MXRA7: variants seen among roughly 807,000 people sequenced by gnomAD.
MXRA7 encodes the protein matrix-remodeling-associated protein 7.
MXRA7 carries 18 observed loss-of-function variants against 17.4 expected under a neutral mutation model. That is an observed-to-expected ratio of 1.03 (90% CI 0.71 to 1.53). The LOEUF (loss-of-function observed/expected upper bound fraction) is 1.53, where lower values mean the gene tolerates loss of function less well. Among genes scored for constraint, MXRA7 ranks in the 40% most tolerant of loss-of-function variants. The pLI, the probability that MXRA7 is intolerant of heterozygous loss-of-function variation, is 0.00. For missense variants in MXRA7, 141 were observed against 209.3 expected (o/e 0.67, Z 2.01); for synonymous variants, 70 against 101.7 (o/e 0.69, Z 1.87).
intron 1 of MXRA7, among the ~76,000 whole-genome samples, chr17:76,692,638 A>G (rs1028084345): frequency 4.0e-5 from 6 of 150,804 alleles, no homozygotes; most frequent in African/African-American, 1.5e-4. Context: ...GTATTGTTAA[A>G]AAAAAAAAAA....
chr17:76,692,284 A>C (rs1598350168), intron 1 of MXRA7, among the ~76,000 whole-genome samples: 2 of 143,944 alleles, frequency 1.4e-5, no homozygotes, highest in African/African-American at 2.6e-5. Flanking sequence ...AGACAGTTTC[A>C]CTCTTGTTGC....
intron 1 of MXRA7, among the ~76,000 whole-genome samples, chr17:76,693,475 CAAAAA>C (rs59677254): frequency 1.0e-5 from 1 of 98,630 alleles, no homozygotes; most frequent in Non-Finnish European, 1.9e-5. Context: ...AGATCTGTCT[CAAAAA>C]AAAAAAAAAA....
Position 76,698,421 on chromosome 17 carries a change from G to A in MXRA7, c.343-10245C>T, listed in dbSNP as rs140937923. Among the ~76,000 whole-genome samples, 437 of 152,238 alleles carry A rather than the reference G, an allele frequency of 2.9e-3. 1 individual carries two copies. The highest frequency in any genetic ancestry group is 4.7e-3 in the Non-Finnish European group (322 of 67,994). On this transcript the variant is annotated intron_variant, in intron 1 of 3. Transcript: ENST00000449428. Reference sequence around the variant, plus strand: ...GCTCCGGGGGCTTGGTGGTGGGCAGGGAGGGCAGGCTGGGGCAGGGGTCAC... The same window carrying A: ...GCTCCGGGGGCTTGGTGGTGGGCAGAGAGGGCAGGCTGGGGCAGGGGTCAC...
chr17:76,686,440 A>T (rs1459929578), intron 2 of MXRA7, among the ~76,000 whole-genome samples: 1 of 152,166 alleles, frequency 6.6e-6, no homozygotes, highest in African/African-American at 2.4e-5. Context: ...AGATCGCGCC[A>T]CTGTACTCCA....
Position 76,680,710 on chromosome 17 carries a change from C to G in MXRA7, c.*157G>C. 1 of 1,454,282 alleles carries G rather than the reference C, an allele frequency of 6.9e-7. No individual in the cohort carries two copies. The highest frequency in any genetic ancestry group is 9.1e-7 in the Non-Finnish European group (1 of 1,103,140). The allele number at this position is 1,454,282 out of a possible 1,614,324, so 90.1% of individuals were successfully genotyped here. The stretch of plus-strand genomic sequence containing the variant: ...TCCCAGGATCCTGCTAGCCAAGGGA[C>G]AAGTCCTGATTGAGGGTCTAGAGCT... On this transcript the variant is annotated 3_prime_UTR_variant, in exon 4 of 4. Coordinates refer to ENST00000449428, the MANE Select transcript of MXRA7 (RefSeq NM_198530.4).
chr17:76,683,822 T>C lies in MXRA7; in HGVS notation c.500+1250A>G. The C allele has an allele frequency of 1.9e-6, 3 of 1,585,054 alleles. No individual in the cohort carries two copies. The South Asian group carries it at 3.3e-5, about 18-fold the overall frequency. ...GCACGCAGTAGAAGGGGAGCACCAC[T>C]AGTCTAAGAAATCAGTGTCCTTACC... On this transcript the variant is annotated intron_variant, in intron 3 of 3. Coordinates refer to ENST00000449428, the MANE Select transcript of MXRA7 (RefSeq NM_198530.4).
chr17:76,702,193 G>A (rs1055126136), intron 1 of MXRA7, among the ~76,000 whole-genome samples: 1 of 152,176 alleles, frequency 6.6e-6, no homozygotes, highest in Non-Finnish European at 1.5e-5. Context: ...TTTTGACCAT[G>A]ACCAGCTTGA....
At chr17:76,688,048 C>G in intron 2 of MXRA7, 65 bp downstream of exon 2, 2 of 1,539,108 alleles carry the variant, frequency 1.3e-6, no homozygotes, top group Non-Finnish European at 1.8e-6. Flanking sequence ...CCTGTGATCC[C>G]CAGCAGGACA....
At chr17:76,688,048 CCAG>C in intron 2 of MXRA7, 62 bp downstream of exon 2, 1 of 1,539,108 alleles carries the variant, frequency 6.5e-7, no homozygotes, top group East Asian at 2.3e-5. Flanking sequence ...CCTGTGATCC[CCAG>C]CAGGACACAG....
chr17:76,710,221 C>T (rs965252627), intron 1 of MXRA7, among the ~76,000 whole-genome samples: 1 of 152,144 alleles, frequency 6.6e-6, no homozygotes, highest in African/African-American at 2.4e-5. Flanking sequence ...AAGCCACAGG[C>T]ACGTGGATTT....
At chr17:76,693,549 T>C (rs2076500899) in intron 1 of MXRA7, among the ~76,000 whole-genome samples, 1 of 151,136 alleles carries the variant, frequency 6.6e-6, no homozygotes, top group Non-Finnish European at 1.5e-5. Context: ...AGATACTGGT[T>C]TATAAAACTT....
intron 1 of MXRA7, among the ~76,000 whole-genome samples, chr17:76,694,072 C>G (rs535492594): frequency 7.2e-5 from 11 of 152,350 alleles, no homozygotes; most frequent in African/African-American, 1.9e-4. Context: ...AAACCCTCCC[C>G]CTTCCATCTA....
intron 1 of MXRA7, among the ~76,000 whole-genome samples, chr17:76,704,223 T>TTG (rs2076628002): frequency 1.1e-5 from 1 of 89,596 alleles, no homozygotes; most frequent in Non-Finnish European, 2.2e-5. Flanking sequence ...TTTTTTTTTT[T>TTG]GAGACGGAGT....
downstream of MXRA7, among the ~76,000 whole-genome samples, chr17:76,678,797 T>C (rs919760051): frequency 6.6e-6 from 1 of 152,142 alleles, no homozygotes; most frequent in African/African-American, 2.4e-5. Context: ...TTTGCTACCA[T>C]ATTCCTTTGC....
chr17:76,696,034 G>A (rs1380540562), intron 1 of MXRA7, among the ~76,000 whole-genome samples: 1 of 152,172 alleles, frequency 6.6e-6, no homozygotes, highest in East Asian at 1.9e-4. Flanking sequence ...GGCGGAGGTT[G>A]CAGTAAGCCG....
chr17:76,702,890 T>TATATATATATATATACGTATATATATATA (rs1251035840), intron 1 of MXRA7, among the ~76,000 whole-genome samples: 1 of 149,668 alleles, frequency 6.7e-6, no homozygotes, highest in East Asian at 2.0e-4. Context: ...TATATATATA[T>TATATATATATATATACGTATATATATATA]CTTGAGGAGG....
intron 1 of MXRA7, among the ~76,000 whole-genome samples, chr17:76,706,075 ACCACACTGCCATCACAAAGGC>A (rs2076651644): frequency 7.3e-6 from 1 of 136,376 alleles, no homozygotes; most frequent in East Asian, 2.3e-4. Flanking sequence ...ATCACAGAGG[ACCACACTGCCATCACAAAGGC>A]CCACGCTGCC....
At chr17:76,696,398 G>A (rs2143650606) in intron 1 of MXRA7, among the ~76,000 whole-genome samples, 1 of 152,248 alleles carries the variant, frequency 6.6e-6, no homozygotes, top group East Asian at 1.9e-4. Flanking sequence ...GCATGTGCTT[G>A]TAGCCCCAGA....
chr17:76,693,443 C>T (rs1358656916), intron 1 of MXRA7, among the ~76,000 whole-genome samples: 1 of 106,046 alleles, frequency 9.4e-6, no homozygotes, highest in Non-Finnish European at 1.9e-5. Flanking sequence ...CCAGCCTGGG[C>T]AACAGACTGG....
Sources: allele counts gnomAD v4.1 joint callset (sites outside exome capture counted in the v4.1 genomes callset), GRCh38; gene constraint gnomAD v4.1.1; transcripts MANE v1.5; gene names NCBI Gene and HGNC (gene_info 2026-07-23, HGNC 2026-07-21).